The following SVEP1 variants were observed in gnomAD, a reference collection of about 807,000 sequenced individuals.
The protein encoded by SVEP1 is sushi, von Willebrand factor type A, EGF and pentraxin domain-containing protein 1.
In SVEP1, 164 loss-of-function variants were observed where a neutral mutation model predicts 367.3. The ratio of observed to expected loss-of-function variants is 0.45; its 90% CI spans 0.39 to 0.51. The LOEUF is 0.51. Ranked by LOEUF, SVEP1 falls within the 20% of genes least tolerant of loss-of-function variation. SVEP1 has a pLI of 0.00. For missense variants in SVEP1, 4,117 were observed against 4,425.3 expected (o/e 0.93, Z 1.98); for synonymous variants, 1,666 against 1,611.6 (o/e 1.03, Z -0.81).
In SVEP1 at chr9:110,483,359, C is replaced by G. The variant is rs138088382; in HGVS notation, c.2038+227G>C. Among the ~76,000 whole-genome samples, 7 of 152,204 alleles carry G rather than the reference C, an allele frequency of 4.6e-5. No homozygotes were observed. The East Asian group carries it at 1.4e-3, about 29-fold the overall frequency. On this transcript the variant is annotated intron_variant, in intron 10 of 47. Transcript: ENST00000374469. ...CTAGGTACAACACCTAGTGCAGGTT[C>G]AACAAATGCCCATGAAATACTGAAT...
chr9:110,437,446 G>A (rs180897902), intron 27 of SVEP1, among the ~76,000 whole-genome samples: 11 of 152,126 alleles, frequency 7.2e-5, no homozygotes, highest in Admixed American at 2.6e-4. Context: ...ACAGCCCTTC[G>A]TTAAACTCAC....
chr9:110,541,383 G>T (rs890753302), intron 3 of SVEP1, among the ~76,000 whole-genome samples: 1 of 151,958 alleles, frequency 6.6e-6, no homozygotes, highest in Non-Finnish European at 1.5e-5. Context: ...GCTTTTCACT[G>T]GATACTCATC....
At chr9:110,571,691 A>G (rs1000821248) in intron 1 of SVEP1, among the ~76,000 whole-genome samples, 3 of 152,188 alleles carry the variant, frequency 2.0e-5, no homozygotes, top group African/African-American at 7.2e-5. Context: ...CATTCATTCT[A>G]GTTTACATCA....
At chr9:110,576,227 TCACACACACA>T (rs57822772) in intron 1 of SVEP1, among the ~76,000 whole-genome samples, 10 of 149,912 alleles carry the variant, frequency 6.7e-5, no homozygotes, top group African/African-American at 2.2e-4. Context: ...ATAGGTAGTC[TCACACACACA>T]CACACACACA....
At position 110,457,270 on chromosome 9, in the gene SVEP1, GGACAGA is replaced by G; in HGVS notation, c.3653_3658del (p.Leu1218_Cys1219del). The G allele has an allele frequency of 6.2e-7, 1 of 1,610,208 alleles. No individual in the cohort carries two copies. The highest frequency in any genetic ancestry group is 8.5e-7 in the Non-Finnish European group (1 of 1,178,782). On this transcript the variant is annotated inframe_deletion, in exon 21 of 48. Coordinates refer to ENST00000374469, the MANE Select transcript of SVEP1 (RefSeq NM_153366.4). ...TGGTTATTTACCTGTATATCCAAGT[GGACAGA>G]GACAAACATAACCACGCCCAAGTTG...
rs1004421237 is a variant in SVEP1 at position 110,409,030 on chromosome 9, A to G, written c.6649-79T>C. 60 of 1,457,982 alleles carry G rather than the reference A, an allele frequency of 4.1e-5. No individual in the cohort carries two copies. The Middle Eastern group carries it at 9.2e-4, about 22-fold the overall frequency. 90.3% of individuals were successfully genotyped at this position (1,457,982 alleles called of 1,614,324 possible). On this transcript the variant is annotated intron_variant, in intron 37 of 47. Coordinates refer to ENST00000374469, the MANE Select transcript of SVEP1 (RefSeq NM_153366.4). The stretch of plus-strand genomic sequence containing the variant: ...TTAACTAAATCCTTGGATAGTGAAA[A>G]AAACTAAAAGGTCTATGTTAAAATG...
At chr9:110,463,909 G>A (rs1346290265) in intron 18 of SVEP1, among the ~76,000 whole-genome samples, 1 of 152,030 alleles carries the variant, frequency 6.6e-6, no homozygotes, top group East Asian at 1.9e-4. Context: ...GCAGAGTGTG[G>A]TTAAACTTAT....
intron 1 of SVEP1, among the ~76,000 whole-genome samples, chr9:110,567,475 A>C (rs1435353888): frequency 6.6e-6 from 1 of 152,230 alleles, no homozygotes; most frequent in Admixed American, 6.5e-5. Context: ...GAAAGAGGAA[A>C]TATTGAAAGA....
In SVEP1 at chr9:110,404,368, C is replaced by T; in HGVS notation, c.9625G>A (p.Glu3209Lys). 6.2e-7 allele frequency: 1 copy of T among 1,614,008 alleles called. No individual in the cohort carries two copies. Residue 3209 changes from glutamate to lysine, a missense_variant, in exon 39 of 48, where the codon GAA becomes AAA. Physicochemically the swap from Glu to Lys is moderately conservative, Grantham distance 56. Around this residue, in one of 4 missense-constraint regions of SVEP1, gnomAD observed 1,765 missense variants for 1,781.1 expected, o/e 0.99. Coordinates refer to ENST00000374469, the MANE Select transcript of SVEP1 (RefSeq NM_153366.4). ...TTAACTCCCTCAAAGGTATACCCTT[C>T]TGCACATGACACAGAAACTTGCCTA... Reference protein sequence around the residue: ...VNRQVSVSCAEGYTFEGVNIS... With the variant: ...VNRQVSVSCAKGYTFEGVNIS...
intron 18 of SVEP1, among the ~76,000 whole-genome samples, chr9:110,459,795 C>G (rs1421422947): frequency 6.6e-6 from 1 of 151,616 alleles, no homozygotes; most frequent in Non-Finnish European, 1.5e-5. Context: ...ATTTTTTTTC[C>G]AATTTGAGGG....
At position 110,458,502 on chromosome 9, in the gene SVEP1, T is replaced by A. The variant is rs1451576554; in HGVS notation, c.3545A>T (p.His1182Leu). 9.9e-6 allele frequency: 16 copies of A among 1,613,024 alleles called. No homozygotes were observed. The highest frequency in any genetic ancestry group is 1.3e-5 in the Non-Finnish European group (15 of 1,179,596). ...GCTGATTTCATGCCTCTTTTTAATA[T>A]GTCCAAGAGAGGCAGGGGGCACCAC... is the stretch of plus-strand genomic sequence containing the variant. Reference protein sequence around the residue: ...ESVVPPASLGHIKKRHEISSQ... With the variant: ...ESVVPPASLGLIKKRHEISSQ... Residue 1182 changes from histidine to leucine, a missense_variant, in exon 20 of 48, where the codon CAT (histidine) becomes CTT (leucine). By Grantham distance (99) the His-to-Leu change is moderately conservative. Transcript: ENST00000374469.
At chr9:110,503,252 C>A in intron 5 of SVEP1, 35 bp from the exon 6 acceptor site, 1 of 1,575,060 alleles carries the variant, frequency 6.3e-7, no homozygotes, top group Non-Finnish European at 8.6e-7. Context: ...TCACATTTTG[C>A]TAAATAAGGA....
chr9:110,423,124 A>T (rs1171248150), intron 36 of SVEP1, among the ~76,000 whole-genome samples: 2 of 140,794 alleles, frequency 1.4e-5, no homozygotes, highest in African/African-American at 2.7e-5. Flanking sequence ...GTATAATAAA[A>T]AATAATAATA....
intron 3 of SVEP1, among the ~76,000 whole-genome samples, chr9:110,527,089 G>T (rs1334617063): frequency 2.0e-5 from 3 of 152,058 alleles, no homozygotes; most frequent in African/African-American, 7.2e-5. Context: ...AAGGATTATT[G>T]TGGTGGTAGA....
At chr9:110,576,552 T>C (rs1830629947) in intron 1 of SVEP1, among the ~76,000 whole-genome samples, 1 of 151,986 alleles carries the variant, frequency 6.6e-6, no homozygotes, top group Non-Finnish European at 1.5e-5. Flanking sequence ...GCAATAAATA[T>C]TTATTATCAG....
intron 5 of SVEP1, among the ~76,000 whole-genome samples, chr9:110,509,396 A>G (rs1233306639): frequency 1.3e-5 from 2 of 152,272 alleles, no homozygotes; most frequent in African/African-American, 4.8e-5. Flanking sequence ...ACAACTTTGT[A>G]TACTGGTAAG....
intron 36 of SVEP1, among the ~76,000 whole-genome samples, chr9:110,424,704 C>T (rs780002578): frequency 4.4e-4 from 67 of 152,224 alleles, no homozygotes; most frequent in African/African-American, 1.5e-3. Context: ...GACAGAGTTT[C>T]GCTCTTGTTG....
Position 110,496,925 on chromosome 9 carries a change from C to G in SVEP1, c.1690G>C (p.Ala564Pro). 2 of 1,541,696 alleles carry G rather than the reference C, an allele frequency of 1.3e-6. No homozygotes were observed. Among genetic ancestry groups the G allele is most frequent in the Non-Finnish European group, 1.8e-6 (2 of 1,139,644 alleles). ...VQAAVCKDVE[A>P]PQINCPKDIE... ...TCCTTAGGACAGTTGATTTGAGGAG[C>G]CTCCACGTCTAACTCAGAAAAATAC... The change falls in exon 8 of 48, where the codon GCT becomes CCT. Residue 564 changes from alanine (A) to proline (P), a missense_variant. By Grantham distance (27) the Ala-to-Pro change is conservative (BLOSUM62 -1). Coordinates refer to ENST00000374469, the MANE Select transcript of SVEP1 (RefSeq NM_153366.4).
rs961381642 is a variant in SVEP1, at chr9:110,510,068, T to G, written c.1303+2858A>C. On this transcript the variant is annotated intron_variant, in intron 5 of 47. Transcript: ENST00000374469. Reference sequence around the variant, plus strand: ...CAGAGTCAGTGATAGAAAAATGCAGTGATGCCCAGGGGGTTCCAGCTTGCC... The same window carrying G: ...CAGAGTCAGTGATAGAAAAATGCAGGGATGCCCAGGGGGTTCCAGCTTGCC... 3.9e-5 allele frequency among the ~76,000 whole-genome samples: 6 copies of G among 152,180 alleles called. 1 individual carries two copies. Among genetic ancestry groups the G allele is most frequent in the Admixed American group, 6.5e-5 (1 of 15,272 alleles).
Sources: allele counts gnomAD v4.1 joint callset (sites outside exome capture counted in the v4.1 genomes callset), GRCh38; gene constraint gnomAD v4.1.1; regional missense constraint gnomAD v4.1.1; transcripts MANE v1.5; gene names NCBI Gene and HGNC (gene_info 2026-07-23, HGNC 2026-07-21).